The following SLC35A1 variants were observed in gnomAD, a reference collection of about 807,000 sequenced individuals.
The protein encoded by SLC35A1 is CMP-sialic acid transporter.
In SLC35A1, 21 loss-of-function variants were observed where a neutral mutation model predicts 40.3. The observed-to-expected ratio is 0.52, with a 90% CI of 0.37 to 0.75. The LOEUF (loss-of-function observed/expected upper bound fraction) is 0.75. Among genes scored for constraint, SLC35A1 ranks in the 30% least tolerant of loss-of-function variants. SLC35A1 has a pLI of 0.00. For synonymous variants in SLC35A1, 146 were observed against 147.3 expected (o/e 0.99, Z 0.06); for missense variants, 297 against 382.1 (o/e 0.78, Z 1.86).
chr6:87,477,227 A>C (rs1769102933), intron 1 of SLC35A1, 135 bp from the exon 2 acceptor site: 1 of 803,306 alleles, frequency 1.2e-6, no homozygotes, highest in African/African-American at 1.7e-5. Context: ...GTTTTGAAAA[A>C]AATTTTTAAG....
intron 2 of SLC35A1, among the ~76,000 whole-genome samples, chr6:87,480,815 A>G (rs1284861434): frequency 6.6e-6 from 1 of 152,172 alleles, no homozygotes; most frequent in African/African-American, 2.4e-5. Flanking sequence ...GGCTTGATCC[A>G]GGAACAATGG....
intron 4 of SLC35A1, among the ~76,000 whole-genome samples, 169 bp downstream of exon 4, chr6:87,501,479 T>C (rs781232101): frequency 2.0e-5 from 3 of 152,228 alleles, no homozygotes; most frequent in Non-Finnish European, 4.4e-5. Flanking sequence ...GGGATAATAA[T>C]ACTTATTGGT....
At chr6:87,501,122 T>C (rs779884846) in intron 3 of SLC35A1, 36 bp from the exon 4 acceptor site, 2 of 1,526,560 alleles carry the variant, frequency 1.3e-6, no homozygotes, top group Non-Finnish European at 1.8e-6. Context: ...GAGACTAACA[T>C]TAACTGAATT....
intron 4 of SLC35A1, among the ~76,000 whole-genome samples, chr6:87,503,805 G>A (rs3819893): frequency 0.11 from 16,754 of 152,136 alleles, 969 homozygotes; most frequent in East Asian, 0.15. Context: ...AACATTAGGA[G>A]TCCTTTCAGT....
At chr6:87,497,528 G>T (rs148696612) in intron 2 of SLC35A1, among the ~76,000 whole-genome samples, 1 of 152,036 alleles carries the variant, frequency 6.6e-6, no homozygotes, top group Non-Finnish European at 1.5e-5. Flanking sequence ...TATGTGAAAA[G>T]TGAGGGAGAA....
At chr6:87,496,591 A>G (rs1769732705) in intron 2 of SLC35A1, among the ~76,000 whole-genome samples, 1 of 152,046 alleles carries the variant, frequency 6.6e-6, no homozygotes, top group South Asian at 2.1e-4. Flanking sequence ...AGCCTGGCCA[A>G]CATGATGAAA....
intron 2 of SLC35A1, among the ~76,000 whole-genome samples, chr6:87,484,104 A>T (rs1769325945): frequency 6.6e-6 from 1 of 152,166 alleles, no homozygotes; most frequent in Non-Finnish European, 1.5e-5. Flanking sequence ...GTGCACAGTC[A>T]TTGCTGTGGT....
At chr6:87,493,629 G>A (rs764908791) in intron 2 of SLC35A1, among the ~76,000 whole-genome samples, 1 of 152,032 alleles carries the variant, frequency 6.6e-6, no homozygotes, top group African/African-American at 2.4e-5. Flanking sequence ...TTACTTATTT[G>A]CTCAATCCTA....
intron 2 of SLC35A1, among the ~76,000 whole-genome samples, chr6:87,485,339 A>C (rs1041856878): frequency 5.9e-5 from 9 of 152,244 alleles, no homozygotes; most frequent in African/African-American, 1.9e-4. Flanking sequence ...CTTTCAAATC[A>C]AGGAAGACTT....
intron 2 of SLC35A1, among the ~76,000 whole-genome samples, chr6:87,486,591 T>C (rs1769399000): frequency 6.7e-6 from 1 of 148,630 alleles, no homozygotes; most frequent in African/African-American, 2.6e-5. Flanking sequence ...AAATAGGTGA[T>C]GTTATGAGGG....
chr6:87,498,288 G>A (rs1437588352), intron 2 of SLC35A1, among the ~76,000 whole-genome samples: 3 of 152,016 alleles, frequency 2.0e-5, no homozygotes, highest in African/African-American at 4.8e-5. Flanking sequence ...ACTAAAACTT[G>A]CACTTCATAC....
intron 2 of SLC35A1, chr6:87,488,325 A>G (rs1478623401): frequency 6.6e-6 from 1 of 152,218 alleles, no homozygotes; most frequent in African/African-American, 2.4e-5. Context: ...TGTACCTTAA[A>G]GATTGCTGTT....
intron 2 of SLC35A1, among the ~76,000 whole-genome samples, chr6:87,492,755 T>C (rs1769592226): frequency 6.6e-6 from 1 of 151,934 alleles, no homozygotes; most frequent in South Asian, 2.1e-4. Flanking sequence ...TCACCATGTT[T>C]GCTAGGCTTG....
At chr6:87,506,471 T>C (rs901313953) in intron 5 of SLC35A1, 23 bp downstream of exon 5, 2 of 1,601,836 alleles carry the variant, frequency 1.2e-6, no homozygotes, top group African/African-American at 2.7e-5. Flanking sequence ...AGCATTGTTT[T>C]ATTCTTTTGT....
At chr6:87,491,471 T>C (rs934266184) in intron 2 of SLC35A1, among the ~76,000 whole-genome samples, 3 of 152,234 alleles carry the variant, frequency 2.0e-5, no homozygotes, top group African/African-American at 7.2e-5. Context: ...GATTTTCAAA[T>C]TATGAGTCTT....
chr6:87,475,492 A>AT (rs1033150774), intron 1 of SLC35A1, among the ~76,000 whole-genome samples: 2 of 152,234 alleles, frequency 1.3e-5, no homozygotes, highest in Non-Finnish European at 2.9e-5. Context: ...ATAAACACTG[A>AT]TTTTTTGGCT....
chr6:87,499,428 TATTATAAAAC>T (rs1164394964), intron 2 of SLC35A1, among the ~76,000 whole-genome samples: 1 of 152,212 alleles, frequency 6.6e-6, no homozygotes, highest in Non-Finnish European at 1.5e-5. Context: ...TATTGGTGCT[TATTATAAAAC>T]ATTGCTTTAT....
At chr6:87,499,548 A>C (rs1473161918) in intron 2 of SLC35A1, among the ~76,000 whole-genome samples, 2 of 152,224 alleles carry the variant, frequency 1.3e-5, no homozygotes, top group Non-Finnish European at 2.9e-5. Flanking sequence ...ATAATAGTTA[A>C]GAGCATGCAT....
intron 2 of SLC35A1, among the ~76,000 whole-genome samples, chr6:87,479,990 C>G (rs1382000460): frequency 6.6e-6 from 1 of 152,134 alleles, no homozygotes; most frequent in Non-Finnish European, 1.5e-5. Context: ...AAAGGGATAG[C>G]CAATTGAACT....
Sources: allele counts gnomAD v4.1 joint callset (sites outside exome capture counted in the v4.1 genomes callset), GRCh38; gene constraint gnomAD v4.1.1; transcripts MANE v1.5; gene names NCBI Gene and HGNC (gene_info 2026-07-23, HGNC 2026-07-21).